TRMT10C: variants seen among roughly 807,000 people sequenced by gnomAD.
The protein encoded by TRMT10C is tRNA methyltransferase 10C, mitochondrial RNase P subunit.
Under a neutral mutation model 27.4 loss-of-function variants are expected in TRMT10C, and 14 were observed. That is an observed-to-expected ratio of 0.51 (90% confidence interval 0.34 to 0.80). The LOEUF (loss-of-function observed/expected upper bound fraction) is 0.80. TRMT10C is among the 30% of genes least tolerant of loss of function. The pLI, the probability that TRMT10C is intolerant of heterozygous loss-of-function variation, is 0.02. For synonymous variants in TRMT10C, 143 were observed against 155.9 expected, an observed-to-expected ratio of 0.92 and a Z score of 0.62; for missense variants, 438 against 464.8, an observed-to-expected ratio of 0.94 and a Z score of 0.53.
intron 1 of TRMT10C, among the ~76,000 whole-genome samples, chr3:101,563,453 C>T (rs1282579173): frequency 2.6e-5 from 4 of 152,102 alleles, no homozygotes; most frequent in East Asian, 1.9e-4. Context: ...CCACTGCACC[C>T]GGCCTGCATT....
chr3:101,564,962 C>G lies in TRMT10C; in HGVS notation c.181C>G (p.Leu61Val), dbSNP rs1331063255. 6.2e-7 allele frequency: 1 copy of G among 1,613,454 alleles called. No homozygotes were observed. Among genetic ancestry groups the G allele is most frequent in the Admixed American group, 1.7e-5 (1 of 59,876 alleles). ...TGAGAGTACACCCCCTTCTGAAGAGCTAGAGTTGGATAAGTGGAAAACTAC... is the reference window on the plus strand; with the variant it reads ...TGAGAGTACACCCCCTTCTGAAGAGGTAGAGTTGGATAAGTGGAAAACTAC... ...KNESTPPSEE[L>V]ELDKWKTTMK... The change falls in exon 2 of 2, where the codon CTA becomes GTA. Residue 61 changes from leucine to valine, a missense_variant. Coordinates refer to ENST00000309922, the MANE Select transcript of TRMT10C (RefSeq NM_017819.4).
In TRMT10C at chr3:101,565,108, A is replaced by C. The variant is rs751727750; in HGVS notation, c.327A>C (p.Pro109=). ...EMWRLLGREV[P]EHITEEELKT... The stretch of plus-strand genomic sequence containing the variant: ...GGAGATTGCTTGGCAGAGAAGTACC[A>C]GAACACATCACTGAAGAAGAGCTCA... The change falls in exon 2 of 2, where the codon CCA becomes CCC. Residue 109 remains proline (P), a synonymous_variant. Coordinates refer to ENST00000309922, the MANE Select transcript of TRMT10C (RefSeq NM_017819.4). The C allele has an allele frequency of 3.1e-6, 5 of 1,614,124 alleles. No individual in the cohort carries two copies. The highest frequency in any genetic ancestry group is 3.4e-6 in the Non-Finnish European group (4 of 1,180,006).
At chr3:101,564,390 T>C (rs969311602) in intron 1 of TRMT10C, among the ~76,000 whole-genome samples, 3 of 151,270 alleles carry the variant, frequency 2.0e-5, no homozygotes, top group Non-Finnish European at 4.4e-5. Context: ...CCCGAGAAGC[T>C]GGGATTACAG....
chr3:101,562,845 G>A (rs1019576439), intron 1 of TRMT10C, among the ~76,000 whole-genome samples: 1 of 152,060 alleles, frequency 6.6e-6, no homozygotes, highest in African/African-American at 2.4e-5. Flanking sequence ...CATCTAGTGA[G>A]GCAAATAGAT....
chr3:101,564,724 T>C (rs966388882), intron 1 of TRMT10C, 46 bp from the exon 2 acceptor site: 1 of 1,461,524 alleles, frequency 6.8e-7, no homozygotes, highest in African/African-American at 1.4e-5. Flanking sequence ...TGAGAAGTTA[T>C]AAAAATCTTT....
Position 101,565,543 on chromosome 3 carries a change from G to A in TRMT10C, c.762G>A (p.Leu254=). Residue 254 remains leucine (L), a synonymous_variant, in exon 2 of 2, where the codon TTG becomes TTA. Transcript: ENST00000309922. The part of the protein sequence containing the change: ...YFCNLKIDGA[L]HRELVKRYQE... Reference sequence around the variant, plus strand: ...GCAATCTAAAAATAGATGGTGCTTTGCACAGAGAGTTAGTTAAACGGTATC... The same window carrying A: ...GCAATCTAAAAATAGATGGTGCTTTACACAGAGAGTTAGTTAAACGGTATC... The A allele has an allele frequency of 6.2e-7, 1 of 1,613,990 alleles. No individual in the cohort carries two copies. The highest frequency in any genetic ancestry group is 1.6e-4 in the Middle Eastern group (1 of 6,062).
chr3:101,564,539 C>T (rs1176280166), intron 1 of TRMT10C, among the ~76,000 whole-genome samples: 5 of 152,156 alleles, frequency 3.3e-5, no homozygotes, highest in Middle Eastern at 3.4e-3. Context: ...GGATTACAGG[C>T]ATGAGCCACT....
chr3:101,562,735 A>G (rs1026333553), intron 1 of TRMT10C, among the ~76,000 whole-genome samples: 21 of 151,342 alleles, frequency 1.4e-4, no homozygotes, highest in African/African-American at 5.1e-4. Flanking sequence ...TTAGAAAAAT[A>G]TTTGCGTGAT....
chr3:101,564,639 G>T, intron 1 of TRMT10C, 131 bp from the exon 2 acceptor site: 1 of 931,018 alleles, frequency 1.1e-6, no homozygotes, highest in Non-Finnish European at 1.6e-6. Context: ...GAAAAAAATT[G>T]GTACAAAGAT....
At position 101,565,894 on chromosome 3, in the gene TRMT10C, G is replaced by T. The variant is rs747642338; in HGVS notation, c.1113G>T (p.Glu371Asp). ...TGAAAAACAATGGTAATTGGCAAGA[G>T]GCTCTGCAATTCGTTCCCAAGAGAA... ...LCLKNNGNWQ[E>D]ALQFVPKRKH... The change falls in exon 2 of 2, where the codon GAG becomes GAT. Residue 371 changes from glutamate to aspartate, a missense_variant. Glu to Asp is a conservative substitution (Grantham distance 45). Coordinates refer to ENST00000309922, the MANE Select transcript of TRMT10C (RefSeq NM_017819.4). The T allele has an allele frequency of 1.2e-6, 2 of 1,614,136 alleles. No homozygotes were observed. The highest frequency in any genetic ancestry group is 1.7e-6 in the Non-Finnish European group (2 of 1,180,024).
chr3:101,562,263 CT>C (rs1299599578), intron 1 of TRMT10C, among the ~76,000 whole-genome samples: 1 of 152,194 alleles, frequency 6.6e-6, no homozygotes, highest in Non-Finnish European at 1.5e-5. Flanking sequence ...AAGAATAAAA[CT>C]TTTAAAACTC....
At chr3:101,564,703 G>C (rs1934479765) in intron 1 of TRMT10C, 67 bp from the exon 2 acceptor site, 2 of 1,367,442 alleles carry the variant, frequency 1.5e-6, no homozygotes, top group African/African-American at 2.9e-5. Flanking sequence ...ATTTATACTT[G>C]CACAATTAGT....
intron 1 of TRMT10C, among the ~76,000 whole-genome samples, chr3:101,563,198 T>C (rs1934450957): frequency 6.6e-6 from 1 of 151,230 alleles, no homozygotes; most frequent in African/African-American, 2.4e-5. Flanking sequence ...TCACTGCAAC[T>C]TCCGCCCCCC....
At position 101,564,976 on chromosome 3, in the gene TRMT10C, G is replaced by C; in HGVS notation, c.195G>C (p.Lys65Asn). The stretch of plus-strand genomic sequence containing the variant: ...CTTCTGAAGAGCTAGAGTTGGATAA[G>C]TGGAAAACTACCATGAAATCTAGTG... ...TPPSEELELD[K>N]WKTTMKSSVQ... Residue 65 changes from lysine (K) to asparagine (N), a missense_variant, in exon 2 of 2, where the codon AAG (lysine) becomes AAC (asparagine). Coordinates refer to ENST00000309922, the MANE Select transcript of TRMT10C (RefSeq NM_017819.4). The C allele has an allele frequency of 6.2e-7, 1 of 1,613,908 alleles. No homozygotes were observed. The highest frequency in any genetic ancestry group is 8.5e-7 in the Non-Finnish European group (1 of 1,179,974).
In TRMT10C at chr3:101,565,836, C is replaced by T. The variant is rs1406313407; in HGVS notation, c.1055C>T (p.Thr352Ile). Residue 352 changes from threonine to isoleucine, a missense_variant, in exon 2 of 2, where the codon ACC becomes ATC. Around this residue, in one of 3 missense-constraint regions of TRMT10C, gnomAD observed 84 missense variants for 76.5 expected, o/e 1.10. Coordinates refer to ENST00000309922, the MANE Select transcript of TRMT10C (RefSeq NM_017819.4). ...TGGGAAATTGGTAACAAAAATCTCA[C>T]CTTAGATCAAATGATACGTATTTTG... ...LQWEIGNKNLTLDQMIRILLC... is the reference protein window; with the variant it reads ...LQWEIGNKNLILDQMIRILLC... The T allele has an allele frequency of 6.2e-7, 1 of 1,614,120 alleles. No homozygotes were observed. The highest frequency in any genetic ancestry group is 2.2e-5 in the East Asian group (1 of 44,872).
At chr3:101,563,310 ACC>A (rs1934454202) in intron 1 of TRMT10C, among the ~76,000 whole-genome samples, 2 of 151,710 alleles carry the variant, frequency 1.3e-5, no homozygotes, top group Non-Finnish European at 1.5e-5. Flanking sequence ...GGCATGCGCC[ACC>A]ACACCTGGCT....
At position 101,561,953 on chromosome 3, in the gene TRMT10C, C is replaced by G. The variant is rs1034007228; in HGVS notation, c.-63C>G. ...TCCGTACGTCGGAGTCCTTCGTCCT[C>G]CAGGGTCCCTGTTCTTTGCGCCAGC... On this transcript the variant is annotated 5_prime_UTR_variant, in exon 1 of 2. Coordinates refer to ENST00000309922, the MANE Select transcript of TRMT10C (RefSeq NM_017819.4). The G allele has an allele frequency of 2.0e-5, 3 of 153,084 alleles. No individual in the cohort carries two copies. The highest frequency in any genetic ancestry group is 4.4e-5 in the Non-Finnish European group (3 of 68,542). The allele number at this position is 153,084 out of a possible 1,614,324, so 9.5% of individuals were successfully genotyped here.
Position 101,565,708 on chromosome 3 carries a change from T to C in TRMT10C, c.927T>C (p.Ile309=). The C allele has an allele frequency of 6.2e-7, 1 of 1,614,248 alleles. No homozygotes were observed. The highest frequency in any genetic ancestry group is 8.5e-7 in the Non-Finnish European group (1 of 1,180,048). Residue 309 remains isoleucine, a synonymous_variant, in exon 2 of 2, where the codon ATT becomes ATC. Coordinates refer to ENST00000309922, the MANE Select transcript of TRMT10C (RefSeq NM_017819.4). ...TTFRHDKVYV[I]GSFVDKSMQP... ...TCAGGCATGACAAAGTTTATGTAAT[T>C]GGGTCTTTTGTTGATAAGAGTATGC... is the stretch of plus-strand genomic sequence containing the variant.
chr3:101,565,484 A>G lies in TRMT10C; in HGVS notation c.703A>G (p.Arg235Gly). The G allele has an allele frequency of 6.2e-7, 1 of 1,614,046 alleles. No individual in the cohort carries two copies. Among genetic ancestry groups the G allele is most frequent in the Non-Finnish European group, 8.5e-7 (1 of 1,179,928 alleles). Residue 235 changes from arginine (R) to glycine (G), a missense_variant, in exon 2 of 2, where the codon AGA (arginine) becomes GGA (glycine). Around this residue, in one of 3 missense-constraint regions of TRMT10C, gnomAD observed 350 missense variants for 370.5 expected, o/e 0.94. Coordinates refer to ENST00000309922, the MANE Select transcript of TRMT10C (RefSeq NM_017819.4). ...SQLLESEGWN[R>G]RNVDPFHIYF... is the part of the protein sequence containing the mutation. ...GCTTTTAGAAAGTGAAGGATGGAAC[A>G]GAAGAAATGTTGATCCTTTCCATAT... is the stretch of plus-strand genomic sequence containing the variant.
Sources: allele counts gnomAD v4.1 joint callset (sites outside exome capture counted in the v4.1 genomes callset), GRCh38; gene constraint gnomAD v4.1.1; regional missense constraint gnomAD v4.1.1; transcripts MANE v1.5; gene names NCBI Gene and HGNC (gene_info 2026-07-23, HGNC 2026-07-21).